PTPRN2: variants seen among roughly 807,000 people sequenced by gnomAD.
The protein encoded by PTPRN2 is receptor-type tyrosine-protein phosphatase N2.
PTPRN2 carries 74 observed loss-of-function variants against 118.8 expected under a neutral mutation model. The observed-to-expected ratio is 0.62, with a 90% CI of 0.52 to 0.76. PTPRN2 has a LOEUF of 0.76. PTPRN2 is among the 30% of genes least tolerant of loss of function. PTPRN2 has a pLI of 0.00. For synonymous variants in PTPRN2, 641 were observed against 608.0 expected (o/e 1.05, Z -0.80); for missense variants, 1,481 against 1,394.4 (o/e 1.06, Z -0.99).
chr7:157,548,823 C>G (rs1798452686), intron 22 of PTPRN2, 123 bp downstream of exon 22: 5 of 1,021,418 alleles, frequency 4.9e-6, no homozygotes. Context: ...CGAGGCCGGT[C>G]AGAGCAGAGC....
intron 3 of PTPRN2, among the ~76,000 whole-genome samples, chr7:158,260,476 C>T (rs73522316): frequency 1.3e-5 from 2 of 152,266 alleles, no homozygotes; most frequent in African/African-American, 4.8e-5. Context: ...GAGACACAAC[C>T]GGATACGACT....
At chr7:158,511,701 C>T (rs142500626) in intron 1 of PTPRN2, among the ~76,000 whole-genome samples, 1 of 152,190 alleles carries the variant, frequency 6.6e-6, no homozygotes, top group Non-Finnish European at 1.5e-5. Flanking sequence ...CCCCTGGGCA[C>T]CAGTGCAAGA....
intron 12 of PTPRN2, among the ~76,000 whole-genome samples, chr7:157,867,402 C>T (rs1035946801): frequency 7.7e-6 from 1 of 129,428 alleles, no homozygotes; most frequent in Non-Finnish European, 1.6e-5. Context: ...CTGTCCCTGA[C>T]GCCCTGGATA....
At chr7:158,482,962 C>G (rs1051097243) in intron 2 of PTPRN2, among the ~76,000 whole-genome samples, 2 of 152,186 alleles carry the variant, frequency 1.3e-5, no homozygotes, top group African/African-American at 2.4e-5. Flanking sequence ...GACCCTCATT[C>G]CAGAGGGGCC....
At chr7:157,541,461 G>A (rs1023583187) in intron 22 of PTPRN2, among the ~76,000 whole-genome samples, 11 of 152,248 alleles carry the variant, frequency 7.2e-5, no homozygotes, top group African/African-American at 2.2e-4. Flanking sequence ...CACGAGGGAC[G>A]GGTTCACGAT....
At chr7:158,299,861 G>T (rs1800760879) in intron 3 of PTPRN2, among the ~76,000 whole-genome samples, 1 of 152,284 alleles carries the variant, frequency 6.6e-6, no homozygotes, top group East Asian at 1.9e-4. Flanking sequence ...CCAGAACCCA[G>T]CAAAATGAGC....
chr7:158,422,317 C>T (rs1815320170), intron 2 of PTPRN2, among the ~76,000 whole-genome samples: 1 of 152,170 alleles, frequency 6.6e-6, no homozygotes, highest in Admixed American at 6.5e-5. Context: ...CTTTGGCCAG[C>T]TTGGTTGGGG....
chr7:158,264,525 T>C (rs932807478), intron 3 of PTPRN2, among the ~76,000 whole-genome samples: 3 of 152,088 alleles, frequency 2.0e-5, no homozygotes, highest in African/African-American at 7.2e-5. Context: ...ACACGTGACA[T>C]GTGCATGGGT....
At chr7:157,932,316 A>G (rs998733748) in intron 11 of PTPRN2, among the ~76,000 whole-genome samples, 1 of 152,246 alleles carries the variant, frequency 6.6e-6, no homozygotes, top group African/African-American at 2.4e-5. Flanking sequence ...TTCTAGAACA[A>G]AATAAATGCC....
intron 19 of PTPRN2, 95 bp downstream of exon 19, chr7:157,576,515 GCCC>G: frequency 7.9e-7 from 1 of 1,261,772 alleles, no homozygotes; most frequent in Non-Finnish European, 1.1e-6. Flanking sequence ...CACAGACGCG[GCCC>G]TCGGCGCCAG....
At chr7:158,530,058 G>T (rs890754799) in intron 1 of PTPRN2, among the ~76,000 whole-genome samples, 4 of 152,126 alleles carry the variant, frequency 2.6e-5, no homozygotes, top group Non-Finnish European at 4.4e-5. Context: ...AACCAAGAGG[G>T]AAAACAGAGA....
rs1299456137 is a variant in PTPRN2, at chr7:157,591,239, G to A, written c.2496+3999C>T. ...AGACACGGCCATCTTTCCCATCACG[G>A]CCTTTCTCACGCTCACACTTTCTTC... is the stretch of plus-strand genomic sequence containing the variant. On this transcript the variant is annotated intron_variant, in intron 17 of 22. Coordinates refer to ENST00000389418, the MANE Select transcript of PTPRN2 (RefSeq NM_002847.5). This position sits in a 1 kb window ranked among gnomAD's most constrained non-coding sequence, Gnocchi z 4.4. Among the ~76,000 whole-genome samples, 1 of 152,180 alleles carries A rather than the reference G, an allele frequency of 6.6e-6. No individual in the cohort carries two copies. Among genetic ancestry groups the A allele is most frequent in the African/African-American group, 2.4e-5 (1 of 41,444 alleles).
chr7:158,502,248 T>C (rs1033278951), intron 1 of PTPRN2, among the ~76,000 whole-genome samples: 1 of 152,214 alleles, frequency 6.6e-6, no homozygotes, highest in African/African-American at 2.4e-5. Context: ...TGCTTACAGA[T>C]TGCCTATGGC....
At chr7:157,613,108 G>C (rs1016567335) in intron 15 of PTPRN2, among the ~76,000 whole-genome samples, 1 of 152,144 alleles carries the variant, frequency 6.6e-6, no homozygotes, top group Non-Finnish European at 1.5e-5. Flanking sequence ...CATCCGGAGG[G>C]ACAGGCCCGG....
At chr7:157,830,063 C>G (rs1386654138) in intron 12 of PTPRN2, among the ~76,000 whole-genome samples, 1 of 150,728 alleles carries the variant, frequency 6.6e-6, no homozygotes, top group Non-Finnish European at 1.5e-5. Flanking sequence ...GCCCCACCCT[C>G]CCTCCCACTG....
At chr7:157,557,574 T>A (rs376064079) in intron 21 of PTPRN2, among the ~76,000 whole-genome samples, 51 of 74,780 alleles carry the variant, frequency 6.8e-4, no homozygotes, top group Non-Finnish European at 9.2e-4. Flanking sequence ...ACACACACAC[T>A]CTCCTGGGCC....
intron 3 of PTPRN2, among the ~76,000 whole-genome samples, chr7:158,245,547 C>A (rs1281134533): frequency 6.6e-6 from 1 of 152,156 alleles, no homozygotes; most frequent in Non-Finnish European, 1.5e-5. Flanking sequence ...GACCTCTTGA[C>A]GTAGAGTCAG....
intron 1 of PTPRN2, among the ~76,000 whole-genome samples, chr7:158,538,206 A>G (rs1006554265): frequency 3.7e-4 from 56 of 152,330 alleles, no homozygotes; most frequent in African/African-American, 1.3e-3. Flanking sequence ...TTGTTTCTGG[A>G]AAATGTGGGG....
In PTPRN2 at chr7:158,525,110, C is replaced by G. The variant is rs1021730703; in HGVS notation, c.113-35325G>C. Among the ~76,000 whole-genome samples the G allele has an allele frequency of 1.3e-5, 2 of 152,152 alleles. No homozygotes were observed. The highest frequency in any genetic ancestry group is 2.9e-5 in the Non-Finnish European group (2 of 68,040). On this transcript the variant is annotated intron_variant, in intron 1 of 22. Transcript: ENST00000389418. This position sits in a 1 kb window ranked among gnomAD's most constrained non-coding sequence, Gnocchi z 4.1. The stretch of plus-strand genomic sequence containing the variant: ...TGAACCCTCAAGCTGGCCCTCCATG[C>G]GAAGAAATGCTGCGTCCCAGGCCCT...
Sources: gnomAD v4.1 joint callset for allele counts (sites outside exome capture counted in the v4.1 genomes callset) on GRCh38, gnomAD v4.1.1 for gene constraint, Gnocchi (gnomAD v3.1) non-coding constraint, MANE v1.5 for transcripts, NCBI Gene and HGNC (gene_info 2026-07-23, HGNC 2026-07-21) for gene names.